Variants in POLR3F observed in about 807,000 individuals in gnomAD.
The protein encoded by POLR3F is RNA polymerase III subunit F.
A neutral mutation model predicts 43.6 loss-of-function variants in POLR3F; 31 were observed. That is an observed-to-expected ratio of 0.71 (90% CI 0.53 to 0.96). The LOEUF is 0.96. Among genes scored for constraint, POLR3F ranks in the 40% least tolerant of loss-of-function variants. The pLI is 0.00. For synonymous variants in POLR3F, 114 were observed against 132.5 expected, an observed-to-expected ratio of 0.86 and a Z score of 0.96; for missense variants, 316 against 391.7, an observed-to-expected ratio of 0.81 and a Z score of 1.63.
intron 8 of POLR3F, among the ~76,000 whole-genome samples, chr20:18,482,330 C>T (rs774527160): frequency 1.3e-5 from 2 of 151,764 alleles, no homozygotes; most frequent in South Asian, 2.1e-4. Flanking sequence ...AGGATATTTA[C>T]GTTTTCTGCT....
rs988483723 is a variant in POLR3F, at chr20:18,481,335, G to A, written c.682-284G>A. Among the ~76,000 whole-genome samples the A allele has an allele frequency of 9.9e-5, 15 of 152,104 alleles. 2 individuals are homozygous for A. The highest frequency in any genetic ancestry group is 9.2e-4 in the Admixed American group (14 of 15,260). The stretch of plus-strand genomic sequence containing the variant: ...CAGCTCACTGCAACTTCCGTCTCCC[G>A]GGTTCAAGCCATTCTCCTGCCTCAG... On this transcript the variant is annotated intron_variant, in intron 7 of 8. Coordinates refer to ENST00000377603, the MANE Select transcript of POLR3F (RefSeq NM_006466.4).
chr20:18,480,333 C>G, intron 6 of POLR3F, 69 bp from the exon 7 acceptor site: 1 of 1,271,382 alleles, frequency 7.9e-7, no homozygotes, highest in Non-Finnish European at 1.1e-6. Flanking sequence ...TGGTTTGACT[C>G]AGTATAAAGT....
At chr20:18,474,694 G>A (rs1418035335) in intron 4 of POLR3F, among the ~76,000 whole-genome samples, 2 of 151,866 alleles carry the variant, frequency 1.3e-5, no homozygotes, top group Non-Finnish European at 2.9e-5. Flanking sequence ...AATTATTTTT[G>A]TATTTTTAGT....
At chr20:18,475,404 A>G (rs1335609898) in intron 5 of POLR3F, among the ~76,000 whole-genome samples, 1 of 152,222 alleles carries the variant, frequency 6.6e-6, no homozygotes, top group Non-Finnish European at 1.5e-5. Flanking sequence ...TACTGTCTTC[A>G]GTGAAGAATC....
intron 2 of POLR3F, 188 bp downstream of exon 2, chr20:18,469,249 G>A (rs1568576641): frequency 1.8e-6 from 1 of 570,768 alleles, no homozygotes; most frequent in Non-Finnish European, 3.2e-6. Context: ...TTGAATTGGT[G>A]AACGGAGTAA....
At position 18,483,755 on chromosome 20, in the gene POLR3F, A is replaced by G. The variant is rs1470196861; in HGVS notation, c.*197A>G. The G allele has an allele frequency of 2.3e-6, 1 of 429,456 alleles. No homozygotes were observed. The allele number at this position is 429,456 out of a possible 1,614,324, so 26.6% of individuals were successfully genotyped here. ...GGTAAAATAGCCAGTAGAATATGAA[A>G]GAAATAAGGTTAGTAGTGAAATTCA... On this transcript the variant is annotated 3_prime_UTR_variant, in exon 9 of 9. Coordinates refer to ENST00000377603, the MANE Select transcript of POLR3F (RefSeq NM_006466.4).
At chr20:18,473,523 T>C in intron 4 of POLR3F, 65 bp downstream of exon 4, 1 of 773,690 alleles carries the variant, frequency 1.3e-6, no homozygotes. Flanking sequence ...GGGACCCAGA[T>C]CTCAGCTTCC....
At position 18,484,202 on chromosome 20, in the gene POLR3F, G is replaced by A. The variant is rs1163032486; in HGVS notation, c.*644G>A. ...GACTACTGTCAAGGACATATTTTCA[G>A]TACATAAATACTATCATTTTCATTC... On this transcript the variant is annotated 3_prime_UTR_variant, in exon 9 of 9. Transcript: ENST00000377603. 8 of 398,182 alleles carry A rather than the reference G, an allele frequency of 2.0e-5. No homozygotes were observed. The highest frequency in any genetic ancestry group is 3.5e-5 in the Non-Finnish European group (8 of 225,988). 24.7% of individuals were successfully genotyped at this position (398,182 alleles called of 1,614,324 possible). A position where few individuals can be genotyped will look rare whatever the true frequency, so the allele number is the denominator to read the frequency against.
chr20:18,483,281 TCTTGACCACCCA>T (rs1434559404), intron 8 of POLR3F, among the ~76,000 whole-genome samples, 188 bp from the exon 9 acceptor site: 1 of 152,134 alleles, frequency 6.6e-6, no homozygotes, highest in East Asian at 1.9e-4. Context: ...GCCAGGATGG[TCTTGACCACCCA>T]CCTCGGCCTC....
Position 18,480,185 on chromosome 20 carries a change from AGGTATGATTGAG to A in POLR3F, c.573+6_573+17del. 1 of 1,608,464 alleles carries A rather than the reference AGGTATGATTGAG, an allele frequency of 6.2e-7. No individual in the cohort carries two copies. Among genetic ancestry groups the A allele is most frequent in the Non-Finnish European group, 8.5e-7 (1 of 1,176,482 alleles). ...TTTTAAATTCCTACAGTCCAAGGTGAGGTATGATTGAGGAAACATCACTGCAAACCCTCTTGT... is the reference window on the plus strand; with the variant it reads ...TTTTAAATTCCTACAGTCCAAGGTGAGAAACATCACTGCAAACCCTCTTGT... On this transcript the variant is annotated splice_donor_5th_base_variant and intron_variant, in intron 6 of 8. Transcript: ENST00000377603.
rs143457755 is a variant in POLR3F, at chr20:18,467,424, C to T, written c.-83C>T. The T allele has an allele frequency of 1.3e-3, 1,877 of 1,483,262 alleles. 29 individuals carry two copies. The African/African-American group carries it at 0.022, about 17-fold the overall frequency. The allele number at this position is 1,483,262 out of a possible 1,614,324, so 91.9% of individuals were successfully genotyped here. The stretch of plus-strand genomic sequence containing the variant: ...CCCTCGGCCTCAGCAGAGCGCTATC[C>T]TCCACTGGTTCCCCGGGTTCCCCGG... On this transcript the variant is annotated 5_prime_UTR_variant, in exon 1 of 9. Coordinates refer to ENST00000377603, the MANE Select transcript of POLR3F (RefSeq NM_006466.4).
chr20:18,483,515 C>T lies in POLR3F; in HGVS notation c.908C>T (p.Ser303Leu). ...FDDCHEGGEI[S>L]PSNCIYMTEW... ...GACTGCCACGAAGGTGGTGAGATTT[C>T]ACCATCTAACTGTATTTACATGACA... Residue 303 changes from serine to leucine, a missense_variant, in exon 9 of 9, where the codon TCA becomes TTA. Ser to Leu is a moderately radical substitution (Grantham distance 145, BLOSUM62 -2). Around this residue, in one of 3 missense-constraint regions of POLR3F, gnomAD observed 85 missense variants for 80.2 expected, o/e 1.06. Coordinates refer to ENST00000377603, the MANE Select transcript of POLR3F (RefSeq NM_006466.4). The T allele has an allele frequency of 6.5e-7, 1 of 1,537,238 alleles. No homozygotes were observed. Among genetic ancestry groups the T allele is most frequent in the Non-Finnish European group, 8.9e-7 (1 of 1,129,616 alleles).
intron 2 of POLR3F, among the ~76,000 whole-genome samples, chr20:18,471,183 A>G (rs2059747969): frequency 1.3e-5 from 2 of 151,986 alleles, no homozygotes; most frequent in African/African-American, 4.8e-5. Flanking sequence ...CCACCACTCT[A>G]CTTCAAAAGT....
intron 5 of POLR3F, among the ~76,000 whole-genome samples, chr20:18,476,689 A>G (rs2059782502): frequency 6.6e-6 from 1 of 152,140 alleles, no homozygotes; most frequent in South Asian, 2.1e-4. Context: ...TTTTTTGAAA[A>G]CCTCTGCTTT....
intron 4 of POLR3F, 80 bp from the exon 5 acceptor site, chr20:18,474,995 A>G: frequency 1.5e-6 from 1 of 669,350 alleles, no homozygotes. Flanking sequence ...CTAGCTTTGG[A>G]ATGAGACACA....
intron 5 of POLR3F, among the ~76,000 whole-genome samples, chr20:18,479,709 TA>T (rs1485546364): frequency 6.6e-6 from 1 of 152,150 alleles, no homozygotes; most frequent in African/African-American, 2.4e-5. Context: ...CTGTCACAAC[TA>T]AAAGAAGCCT....
chr20:18,476,016 C>T (rs188825029), intron 5 of POLR3F, among the ~76,000 whole-genome samples: 7 of 152,258 alleles, frequency 4.6e-5, no homozygotes, highest in South Asian at 2.1e-4. Context: ...TAATAAAACC[C>T]TATCATGTAG....
Position 18,480,439 on chromosome 20 carries a change from T to C in POLR3F, c.611T>C (p.Ile204Thr). ...TARESKQNPM[I>T]QRNSSFASSH... ...CGAGAAAGCAAACAGAACCCAATGA[T>C]ACAAAGAAATAGTTCATTTGCCTCA... is the stretch of plus-strand genomic sequence containing the variant. Residue 204 changes from isoleucine to threonine, a missense_variant, in exon 7 of 9, where the codon ATA (isoleucine) becomes ACA (threonine). Ile to Thr is a moderately conservative substitution (Grantham distance 89). Around this residue, in one of 3 missense-constraint regions of POLR3F, gnomAD observed 109 missense variants for 177.7 expected, o/e 0.61. Coordinates refer to ENST00000377603, the MANE Select transcript of POLR3F (RefSeq NM_006466.4). 11 of 1,612,402 alleles carry C rather than the reference T, an allele frequency of 6.8e-6. No individual in the cohort carries two copies. Among genetic ancestry groups the C allele is most frequent in the Non-Finnish European group, 9.3e-6 (11 of 1,178,478 alleles).
chr20:18,481,848 A>G lies in POLR3F; in HGVS notation c.873+38A>G, dbSNP rs4813332. ...GGCTTCACTTTACACTTGACTGCCC[A>G]CGGGTGCAAGTGCCACATTAAGAAA... On this transcript the variant is annotated intron_variant, in intron 8 of 8. Coordinates refer to ENST00000377603, the MANE Select transcript of POLR3F (RefSeq NM_006466.4). The G allele has an allele frequency of 0.86, 1,190,620 of 1,381,654 alleles. 514,526 individuals carry two copies. The highest frequency in any genetic ancestry group is 0.91 in the South Asian group (75,388 of 83,010). The allele number at this position is 1,381,654 out of a possible 1,614,324, so 85.6% of individuals were successfully genotyped here. A position where few individuals can be genotyped will look rare whatever the true frequency, so the allele number is the denominator to read the frequency against.
Sources: gnomAD v4.1 joint callset for allele counts (sites outside exome capture counted in the v4.1 genomes callset) on GRCh38, gnomAD v4.1.1 for gene constraint, gnomAD v4.1.1 regional missense constraint, MANE v1.5 for transcripts, NCBI Gene and HGNC (gene_info 2026-07-23, HGNC 2026-07-21) for gene names.